The following MBD6 variants were observed in gnomAD, a reference collection of about 807,000 sequenced individuals.
MBD6 encodes the protein methyl-CpG-binding domain protein 6.
MBD6 carries 22 observed loss-of-function variants against 66.8 expected under a neutral mutation model. The observed-to-expected ratio is 0.33, with a 90% confidence interval of 0.24 to 0.47. The LOEUF (loss-of-function observed/expected upper bound fraction) is 0.47, where lower values mean the gene tolerates loss of function less well. MBD6 is among the 20% of genes least tolerant of loss of function. The probability of loss-of-function intolerance (pLI) is 1.00; values close to 1 mark genes in which losing one functional copy is unlikely to be tolerated. For missense variants in MBD6, 1,322 were observed against 1,286.9 expected, an observed-to-expected ratio of 1.03 and a Z score of -0.42; for synonymous variants, 540 against 534.6, an observed-to-expected ratio of 1.01 and a Z score of -0.14.
At position 57,529,324 on chromosome 12, in the gene MBD6, C is replaced by A; in HGVS notation, c.*90C>A. 1 of 1,338,276 alleles carries A rather than the reference C, an allele frequency of 7.5e-7. No individual in the cohort carries two copies. Among genetic ancestry groups the A allele is most frequent in the Non-Finnish European group, 1.1e-6 (1 of 943,018 alleles). The allele number at this position is 1,338,276 out of a possible 1,614,324, so 82.9% of individuals were successfully genotyped here. A position where few individuals can be genotyped will look rare whatever the true frequency, so the allele number is the denominator to read the frequency against. ...CCTGCCAGCCACCTGCACCTGTGGACAGTGGGTGGGGGCACTACTCCCCAC... is the reference window on the plus strand; with the variant it reads ...CCTGCCAGCCACCTGCACCTGTGGAAAGTGGGTGGGGGCACTACTCCCCAC... On this transcript the variant is annotated 3_prime_UTR_variant, in exon 13 of 13. Coordinates refer to ENST00000355673, the MANE Select transcript of MBD6 (RefSeq NM_052897.4).
At chr12:57,528,903 G>A in intron 11 of MBD6, 43 bp from the exon 12 acceptor site, 7 of 1,613,860 alleles carry the variant, frequency 4.3e-6, no homozygotes, top group Non-Finnish European at 5.9e-6. Context: ...AATTCACCTG[G>A]TGCTTGGGAG....
Position 57,528,255 on chromosome 12 carries a change from G to C in MBD6, c.2515G>C (p.Gly839Arg). The change falls in exon 10 of 13, where the codon GGT (glycine) becomes CGT (arginine). Residue 839 changes from glycine to arginine, a missense_variant. Transcript: ENST00000355673. The part of the protein sequence containing the change: ...PPLSALAPPH[G>R]SPDPPVPELL... ...CCTCAGTGCCTTAGCCCCACCCCAT[G>C]GTTCTCCCGACCCCCCAGTCCCTGA... is the stretch of plus-strand genomic sequence containing the variant. 1.2e-6 allele frequency: 2 copies of C among 1,606,274 alleles called. No homozygotes were observed. Among genetic ancestry groups the C allele is most frequent in the Non-Finnish European group, 1.7e-6 (2 of 1,176,374 alleles).
Position 57,529,425 on chromosome 12 carries a change from C to G in MBD6, c.*191C>G, listed in dbSNP as rs369788126. On this transcript the variant is annotated 3_prime_UTR_variant, in exon 13 of 13. Coordinates refer to ENST00000355673, the MANE Select transcript of MBD6 (RefSeq NM_052897.4). The stretch of plus-strand genomic sequence containing the variant: ...CAGGGGGCAGGGAAGTTCACCCCCC[C>G]CCACCACCCCCCCGCCCCCCCGAAG... 1.9e-5 allele frequency: 10 copies of G among 520,414 alleles called. 1 individual carries two copies. The highest frequency in any genetic ancestry group is 4.2e-5 in the African/African-American group (2 of 47,246). The allele number at this position is 520,414 out of a possible 1,614,324, so 32.2% of individuals were successfully genotyped here.
intron 9 of MBD6, 56 bp downstream of exon 9, chr12:57,528,073 T>A: frequency 6.5e-7 from 1 of 1,530,568 alleles, no homozygotes; most frequent in East Asian, 2.3e-5. Context: ...AACTGGAAAT[T>A]TAGGGCTTTC....
Position 57,528,291 on chromosome 12 carries a change from G to A in MBD6, c.2551G>A (p.Gly851Arg). 1.2e-6 allele frequency: 2 copies of A among 1,606,064 alleles called. No homozygotes were observed. The highest frequency in any genetic ancestry group is 1.7e-6 in the Non-Finnish European group (2 of 1,175,806). ...CCCCCCAGTCCCTGAGCTGCTCACT[G>A]GGAGGGGGTCAGGGAAACGGGGCCG... ...PDPPVPELLT[G>R]RGSGKRGRRG... is the part of the protein sequence containing the mutation. Residue 851 changes from glycine (G) to arginine (R), a missense_variant, in exon 10 of 13, where the codon GGG (glycine) becomes AGG (arginine). Physicochemically the swap from Gly to Arg is moderately radical, Grantham distance 125 (BLOSUM62 -2). Coordinates refer to ENST00000355673, the MANE Select transcript of MBD6 (RefSeq NM_052897.4).
rs1427411076 is a variant in MBD6, at chr12:57,527,932, G to A, written c.2321G>A (p.Gly774Glu). Residue 774 changes from glycine to glutamate, a missense_variant, in exon 9 of 13, where the codon GGG becomes GAG. By Grantham distance (98) the Gly-to-Glu change is moderately conservative (BLOSUM62 -2). Transcript: ENST00000355673. ...GGCCCTCTTCTCTCTGGCCAGTTGGGGCTGCAGCTCCTCCCTGGGGGGGGA... is the reference window on the plus strand; with the variant it reads ...GGCCCTCTTCTCTCTGGCCAGTTGGAGCTGCAGCTCCTCCCTGGGGGGGGA... ...PPGPLLSGQLGLQLLPGGGAP... is the reference protein window; with the variant it reads ...PPGPLLSGQLELQLLPGGGAP... 6.2e-7 allele frequency: 1 copy of A among 1,608,910 alleles called. No individual in the cohort carries two copies. The highest frequency in any genetic ancestry group is 8.5e-7 in the Non-Finnish European group (1 of 1,178,110).
intron 3 of MBD6, 100 bp from the exon 4 acceptor site, chr12:57,524,620 G>T (rs776918594): frequency 8.4e-7 from 1 of 1,196,148 alleles, no homozygotes. Flanking sequence ...CTTATCCTCT[G>T]TTCTTCTAGG....
rs777484379 is a variant in MBD6, at chr12:57,527,489, A to G, written c.2083-18A>G. The G allele has an allele frequency of 2.5e-6, 4 of 1,613,626 alleles. No individual in the cohort carries two copies. The highest frequency in any genetic ancestry group is 1.3e-5 in the African/African-American group (1 of 74,898). On this transcript the variant is annotated intron_variant, in intron 7 of 12. Coordinates refer to ENST00000355673, the MANE Select transcript of MBD6 (RefSeq NM_052897.4). ...GTATTTTACACGCGTAAGTGTTAGA[A>G]TCATTCTTTTTTCTTAGCCCTGTGT... is the stretch of plus-strand genomic sequence containing the variant.
In MBD6 at chr12:57,527,503, T is replaced by C; in HGVS notation, c.2083-4T>C. The C allele has an allele frequency of 6.2e-7, 1 of 1,614,072 alleles. No homozygotes were observed. Among genetic ancestry groups the C allele is most frequent in the Non-Finnish European group, 8.5e-7 (1 of 1,179,974 alleles). On this transcript the variant is annotated splice_polypyrimidine_tract_variant and splice_region_variant and intron_variant, in intron 7 of 12. Transcript: ENST00000355673. ...TAAGTGTTAGAATCATTCTTTTTTC[T>C]TAGCCCTGTGTCCTGAGTGCCCCCC...
At position 57,528,135 on chromosome 12, in the gene MBD6, T is replaced by A. The variant is rs995935704; in HGVS notation, c.2407-12T>A. 1.9e-6 allele frequency: 3 copies of A among 1,573,846 alleles called. No individual in the cohort carries two copies. The African/African-American group carries it at 4.1e-5, about 22-fold the overall frequency. On this transcript the variant is annotated splice_polypyrimidine_tract_variant and intron_variant, in intron 9 of 12. Coordinates refer to ENST00000355673, the MANE Select transcript of MBD6 (RefSeq NM_052897.4). ...TTTGAGATTGACTGAGAACTTATTT[T>A]TTTGCCAGCAGATCCCTCCAGAGCA...
rs200229613 is a variant in MBD6, at chr12:57,525,613, T to A, written c.645T>A (p.Pro215=). ...PRGNAPSPAP[P]PPPAISLNAP... is the part of the protein sequence containing the mutation. ...GCAATGCCCCCTCTCCAGCCCCACC[T>A]CCTCCACCTGCTATCAGCCTCAATG... The change falls in exon 6 of 13, where the codon CCT becomes CCA. Residue 215 remains proline, a synonymous_variant. Transcript: ENST00000355673. 1 of 1,611,496 alleles carries A rather than the reference T, an allele frequency of 6.2e-7. No homozygotes were observed. Among genetic ancestry groups the A allele is most frequent in the Non-Finnish European group, 8.5e-7 (1 of 1,179,076 alleles).
In MBD6 at chr12:57,528,394, A is replaced by G. The variant is rs1385697002; in HGVS notation, c.2654A>G (p.Glu885Gly). The G allele has an allele frequency of 1.2e-6, 2 of 1,612,718 alleles. No homozygotes were observed. Among genetic ancestry groups the G allele is most frequent in the African/African-American group, 1.3e-5 (1 of 74,922 alleles). The change falls in exon 10 of 13, where the codon GAG becomes GGG. Residue 885 changes from glutamate (E) to glycine (G), a missense_variant. Coordinates refer to ENST00000355673, the MANE Select transcript of MBD6 (RefSeq NM_052897.4). ...ARGRKPGSRR[E>G]PGRLALKWGT... ...GGCCGAAAGCCTGGCAGCCGGCGGGAGCCTGGCCGACTGGCCCTCAAATGG... is the reference window on the plus strand; with the variant it reads ...GGCCGAAAGCCTGGCAGCCGGCGGGGGCCTGGCCGACTGGCCCTCAAATGG...
In MBD6 at chr12:57,526,332, A is replaced by G; in HGVS notation, c.1364A>G (p.His455Arg). 1 of 1,610,912 alleles carries G rather than the reference A, an allele frequency of 6.2e-7. No individual in the cohort carries two copies. Among genetic ancestry groups the G allele is most frequent in the Non-Finnish European group, 8.5e-7 (1 of 1,178,482 alleles). The change falls in exon 6 of 13, where the codon CAC (histidine) becomes CGC (arginine). Residue 455 changes from histidine (H) to arginine (R), a missense_variant. Physicochemically the swap from His to Arg is conservative, Grantham distance 29 (BLOSUM62 0). Coordinates refer to ENST00000355673, the MANE Select transcript of MBD6 (RefSeq NM_052897.4). ...LSSGSPPQPR[H>R]PIQPSLPGTT... ...TCAGGGAGCCCTCCCCAGCCCAGGC[A>G]CCCCATCCAGCCCTCCCTGCCTGGG...
At chr12:57,525,230 G>C in intron 5 of MBD6, 115 bp downstream of exon 5, 1 of 1,488,454 alleles carries the variant, frequency 6.7e-7, no homozygotes, top group Non-Finnish European at 9.0e-7. Context: ...GTGGGGAGCT[G>C]CATGTTGAAA....
intron 2 of MBD6, 27 bp from the exon 3 acceptor site, chr12:57,524,253 T>TGC (rs1878668080): frequency 3.6e-6 from 5 of 1,372,850 alleles, no homozygotes; most frequent in African/African-American, 1.5e-5. Flanking sequence ...ATCCTCCTAG[T>TGC]GCCTACATGG....
At position 57,525,296 on chromosome 12, in the gene MBD6, A is replaced by C. The variant is rs113936977; in HGVS notation, c.380-52A>C. 3.2e-3 allele frequency: 4,949 copies of C among 1,523,876 alleles called. 24 individuals are homozygous for C. Among genetic ancestry groups the C allele is most frequent in the South Asian group, 2.8e-3 (214 of 75,926 alleles). The allele number at this position is 1,523,876 out of a possible 1,614,324, so 94.4% of individuals were successfully genotyped here. ...GAGATGGGACTAGAGAAGACAAAAGAGTTTTTGGAAGGGGAGCCACAGGCT... is the reference window on the plus strand; with the variant it reads ...GAGATGGGACTAGAGAAGACAAAAGCGTTTTTGGAAGGGGAGCCACAGGCT... On this transcript the variant is annotated intron_variant, in intron 5 of 12. Transcript: ENST00000355673.
chr12:57,524,450 C>T, intron 3 of MBD6, 34 bp downstream of exon 3: 1 of 1,519,922 alleles, frequency 6.6e-7, no homozygotes, highest in African/African-American at 1.4e-5. Flanking sequence ...AGCTCTGCCA[C>T]TCCAGTTGCC....
At position 57,526,792 on chromosome 12, in the gene MBD6, G is replaced by A; in HGVS notation, c.1647G>A (p.Gln549=). Residue 549 remains glutamine (Q), a synonymous_variant, in exon 7 of 13, where the codon CAG becomes CAA. Coordinates refer to ENST00000355673, the MANE Select transcript of MBD6 (RefSeq NM_052897.4). ...GALPLPLSLG[Q]PPPSPLLNHS... ...TGCCTCTCCCTCTGAGTCTGGGGCAGCCTCCACCTTCTCCATTGCTCAACC... is the reference window on the plus strand; with the variant it reads ...TGCCTCTCCCTCTGAGTCTGGGGCAACCTCCACCTTCTCCATTGCTCAACC... 6.2e-7 allele frequency: 1 copy of A among 1,608,172 alleles called. No individual in the cohort carries two copies. The highest frequency in any genetic ancestry group is 1.1e-5 in the South Asian group (1 of 90,492).
chr12:57,523,667 C>T (rs1878607995), intron 1 of MBD6, among the ~76,000 whole-genome samples: 5 of 152,160 alleles, frequency 3.3e-5, no homozygotes, highest in Admixed American at 3.3e-4. Flanking sequence ...TATCATCTTC[C>T]TGGGTAGAGA....
Sources: gnomAD v4.1 joint callset for allele counts (sites outside exome capture counted in the v4.1 genomes callset) on GRCh38, gnomAD v4.1.1 for gene constraint, MANE v1.5 for transcripts, NCBI Gene and HGNC (gene_info 2026-07-23, HGNC 2026-07-21) for gene names.